SPMIP9: variants seen among roughly 807,000 people sequenced by gnomAD.
SPMIP9 encodes the protein sperm microtubule inner protein 9.
the SPMIP9 span, chr2:88,526,475 A>G: frequency 1.2e-6 from 2 of 1,613,906 alleles, no homozygotes; most frequent in Non-Finnish European, 1.7e-6. Flanking sequence ...AAGCACAAAT[A>G]CTCCAGGGTC....
the SPMIP9 span, among the ~76,000 whole-genome samples, chr2:88,525,848 T>A: frequency 6.6e-6 from 1 of 151,854 alleles, no homozygotes; most frequent in African/African-American, 2.4e-5. Context: ...TTTTCTTCTT[T>A]ATAATTTTCT....
At chr2:88,524,649 A>G in the SPMIP9 span, 10 of 152,432 alleles carry the variant, frequency 6.6e-5, no homozygotes, top group African/African-American at 2.4e-4. Flanking sequence ...GCAGTGGGAC[A>G]CAGCAACAGG....
chr2:88,526,553 G>C, the SPMIP9 span: 191,170 of 1,334,022 alleles, frequency 0.14, 14,936 homozygotes, highest in East Asian at 0.21. Context: ...AATCCTCTCT[G>C]TTGCTTCATT....
chr2:88,525,797 G>GTT, the SPMIP9 span: 6,910 of 696,214 alleles, frequency 9.9e-3, no homozygotes, highest in South Asian at 0.016. Context: ...GGTTTTGTGG[G>GTT]TTTTTTTTTT....
the SPMIP9 span, among the ~76,000 whole-genome samples, chr2:88,528,757 A>G: frequency 6.6e-6 from 1 of 152,202 alleles, no homozygotes; most frequent in African/African-American, 2.4e-5. Context: ...ATACACATAC[A>G]TGTTTATATG....
At chr2:88,526,556 GCTT>G in the SPMIP9 span, 28 of 1,303,348 alleles carry the variant, frequency 2.1e-5, no homozygotes, top group African/African-American at 3.6e-4. Flanking sequence ...CCTCTCTGTT[GCTT>G]CATTTGTATT....
chr2:88,527,670 CTCT>C, the SPMIP9 span, among the ~76,000 whole-genome samples: 2 of 152,088 alleles, frequency 1.3e-5, no homozygotes, highest in Non-Finnish European at 1.5e-5. Context: ...CTGTATCTGT[CTCT>C]TCTTATTGGT....
chr2:88,526,449 C>T, the SPMIP9 span: 2 of 1,614,002 alleles, frequency 1.2e-6, no homozygotes, highest in Non-Finnish European at 1.7e-6. Context: ...ACATGGTCGA[C>T]TATCAGCCCT....
the SPMIP9 span, chr2:88,529,107 AC>A: frequency 6.2e-7 from 1 of 1,614,040 alleles, no homozygotes; most frequent in Non-Finnish European, 8.5e-7. Flanking sequence ...CCCATCCCTA[AC>A]CCCAACCCCA....
the SPMIP9 span, among the ~76,000 whole-genome samples, chr2:88,528,292 G>C: frequency 6.7e-5 from 10 of 150,324 alleles, no homozygotes; most frequent in South Asian, 1.5e-3. Flanking sequence ...CATGCACCAC[G>C]ACACCCAGCT....
the SPMIP9 span, chr2:88,529,445 T>TGGG: frequency 6.2e-7 from 1 of 1,613,428 alleles, no homozygotes; most frequent in East Asian, 2.2e-5. Context: ...CTTGAACCGG[T>TGGG]GGGGACCCTT....
the SPMIP9 span, chr2:88,525,564 C>T: frequency 6.4e-7 from 1 of 1,568,232 alleles, no homozygotes; most frequent in South Asian, 1.1e-5. Flanking sequence ...GCTTGGTTGG[C>T]ACAGCTTGAA....
At chr2:88,528,245 C>T in the SPMIP9 span, among the ~76,000 whole-genome samples, 1 of 149,902 alleles carries the variant, frequency 6.7e-6, no homozygotes, top group Admixed American at 6.7e-5. Context: ...TCAAGCGATT[C>T]TCCTGCCTCA....
chr2:88,529,133 T>C, the SPMIP9 span: 3,299 of 1,614,004 alleles, frequency 2.0e-3, 65 homozygotes, highest in African/African-American at 0.039. Context: ...AACAGATGGG[T>C]ACCCTGCTTT....
At chr2:88,526,753 C>T in the SPMIP9 span, among the ~76,000 whole-genome samples, 1,044 of 152,140 alleles carry the variant, frequency 6.9e-3, 6 homozygotes, top group Admixed American at 0.011. Context: ...CAACCTCTGC[C>T]GCCTGCCTGG....
At chr2:88,525,544 G>T in the SPMIP9 span, 1 of 1,385,584 alleles carries the variant, frequency 7.2e-7, no homozygotes, top group Non-Finnish European at 1.0e-6. Context: ...AAGAAAGCTG[G>T]GGCAGCCATG....
At chr2:88,525,664 CG>C in the SPMIP9 span, 1 of 1,614,116 alleles carries the variant, frequency 6.2e-7, no homozygotes, top group Non-Finnish European at 8.5e-7. Flanking sequence ...GTGAAATACC[CG>C]GGACAGGTGA....
the SPMIP9 span, chr2:88,526,267 C>G: frequency 1.5e-6 from 1 of 678,420 alleles, no homozygotes; most frequent in Non-Finnish European, 2.6e-6. Flanking sequence ...AAAAATGGGT[C>G]ACAGCCAGAT....
chr2:88,526,227 G>A, the SPMIP9 span, among the ~76,000 whole-genome samples: 1 of 152,186 alleles, frequency 6.6e-6, no homozygotes, highest in Admixed American at 6.5e-5. Context: ...TAAGGCTGGA[G>A]TAGAGAAGGC....
Sources: gnomAD v4.1 joint callset for allele counts (sites outside exome capture counted in the v4.1 genomes callset) on GRCh38, gnomAD v4.1.1 for gene constraint, MANE v1.5 for transcripts, NCBI Gene and HGNC (gene_info 2026-07-23, HGNC 2026-07-21) for gene names.